USP35: variants seen among roughly 807,000 people sequenced by gnomAD.
The protein encoded by USP35 is ubiquitin specific peptidase 35, also known as ubiquitin carboxyl-terminal hydrolase 35.
In USP35, 69 loss-of-function variants were observed where a neutral mutation model predicts 83.8. The ratio of observed to expected loss-of-function variants is 0.82; its 90% CI spans 0.68 to 1.01. The LOEUF is 1.01. Among genes scored for constraint, USP35 ranks in the 50% least tolerant of loss-of-function variants. The pLI is 0.00. For missense variants in USP35, 1,503 were observed against 1,362.5 expected (o/e 1.10, Z -1.62); for synonymous variants, 714 against 589.5 (o/e 1.21, Z -3.06).
chr11:78,189,539 C>T (rs1862936439), intron 1 of USP35, among the ~76,000 whole-genome samples: 2 of 152,168 alleles, frequency 1.3e-5, no homozygotes, highest in African/African-American at 4.8e-5. Flanking sequence ...TTGGAATGGG[C>T]TTTTCCTATT....
At chr11:78,222,391 A>G in the USP35 span, among the ~76,000 whole-genome samples, 1 of 152,104 alleles carries the variant, frequency 6.6e-6, no homozygotes, top group Non-Finnish European at 1.5e-5. Flanking sequence ...TTCAGATTCC[A>G]AATTATATAT....
intron 1 of USP35, among the ~76,000 whole-genome samples, chr11:78,194,032 G>T (rs1221142547): frequency 1.3e-5 from 2 of 151,654 alleles, no homozygotes; most frequent in Non-Finnish European, 2.9e-5. Context: ...GCGCCCGGCC[G>T]CATCTGAGCT....
the USP35 span, chr11:78,225,214 A>G: frequency 1.3e-6 from 2 of 1,569,778 alleles, no homozygotes; most frequent in South Asian, 1.1e-5. Flanking sequence ...TGACAGAGGA[A>G]GGAGGATTCA....
chr11:78,230,362 A>C, the USP35 span, among the ~76,000 whole-genome samples: 4 of 152,210 alleles, frequency 2.6e-5, no homozygotes, highest in African/African-American at 7.2e-5. Context: ...CTGGTCTTGC[A>C]TTACTCACCT....
the USP35 span, chr11:78,222,263 A>G: frequency 3.1e-6 from 3 of 968,138 alleles, no homozygotes; most frequent in East Asian, 2.4e-5. Context: ...CACCTTATAT[A>G]TAACACATGA....
rs139659750 is a variant in USP35 at position 78,212,323 on chromosome 11, A to G, written c.2890-1323A>G. ...GTGTCTGTTTTTATACCAGTACTAT[A>G]CTACAAGGCTACAGTAAGCAAAACA... On this transcript the variant is annotated intron_variant, in intron 10 of 10. Coordinates refer to ENST00000529308, the MANE Select transcript of USP35 (RefSeq NM_020798.4). Among the ~76,000 whole-genome samples, 332 of 151,598 alleles carry G rather than the reference A, an allele frequency of 2.2e-3. 1 individual carries two copies. The highest frequency in any genetic ancestry group is 7.5e-3 in the African/African-American group (307 of 40,852).
intron 10 of USP35, among the ~76,000 whole-genome samples, chr11:78,213,249 G>T (rs997299602): frequency 6.6e-6 from 1 of 152,162 alleles, no homozygotes; most frequent in Non-Finnish European, 1.5e-5. Flanking sequence ...GGTAAGGATC[G>T]CCATGAGGCT....
rs756405239 is a variant in USP35 at position 78,206,072 on chromosome 11, T to C, written c.1391+37T>C. The C allele has an allele frequency of 1.9e-5, 31 of 1,592,792 alleles. 1 individual carries two copies. The highest frequency in any genetic ancestry group is 2.5e-5 in the Non-Finnish European group (29 of 1,165,290). ...TTTGGAATTCCCTGTCTGCCCTTGC[T>C]TCTCTCCTCTGGGCTCCCTGATGAC... is the stretch of plus-strand genomic sequence containing the variant. On this transcript the variant is annotated intron_variant, in intron 7 of 10. Transcript: ENST00000529308.
downstream of USP35, chr11:78,215,540 AACAAG>A (rs1219601573): frequency 6.6e-6 from 1 of 152,626 alleles, no homozygotes; most frequent in Non-Finnish European, 1.5e-5. Context: ...TTTAAATGGT[AACAAG>A]ACAAGAACTC....
At chr11:78,231,186 G>A in the USP35 span, among the ~76,000 whole-genome samples, 3 of 152,196 alleles carry the variant, frequency 2.0e-5, no homozygotes, top group African/African-American at 4.8e-5. Flanking sequence ...GAGCTCCCCA[G>A]AATCAAAAAG....
At chr11:78,193,224 CACTT>C (rs1160924110) in intron 1 of USP35, among the ~76,000 whole-genome samples, 1 of 152,086 alleles carries the variant, frequency 6.6e-6, no homozygotes, top group Non-Finnish European at 1.5e-5. Context: ...AACAGGAACT[CACTT>C]AGTCACCCAG....
rs951990681 is a variant in USP35 at position 78,196,771 on chromosome 11, C to T, written c.526C>T (p.Arg176Cys). ...GCTGGTGCGTTGCCTCGGCCGCTTC[C>T]GCTGCCCAGCCGAAGGCGAGGAGGG... ...QQLVRCLGRF[R>C]CPAEGEEGAV... Residue 176 changes from arginine (R) to cysteine (C), a missense_variant, in exon 2 of 11, where the codon CGC (arginine) becomes TGC (cysteine). Coordinates refer to ENST00000529308, the MANE Select transcript of USP35 (RefSeq NM_020798.4). The surrounding 1 kb of genome is among the most constrained non-coding windows in gnomAD (Gnocchi z 4.8). 7.2e-6 allele frequency: 11 copies of T among 1,533,274 alleles called. No homozygotes were observed. The highest frequency in any genetic ancestry group is 1.2e-5 in the South Asian group (1 of 83,748). The allele number at this position is 1,533,274 out of a possible 1,614,324, so 95.0% of individuals were successfully genotyped here. A position where few individuals can be genotyped will look rare whatever the true frequency, so the allele number is the denominator to read the frequency against.
chr11:78,220,620 G>A, the USP35 span, among the ~76,000 whole-genome samples: 381 of 152,272 alleles, frequency 2.5e-3, no homozygotes, highest in South Asian at 9.3e-3. Flanking sequence ...TGTAAGGTAG[G>A]TATGATTACT....
At chr11:78,189,736 A>G (rs1205821453) in intron 1 of USP35, among the ~76,000 whole-genome samples, 1 of 152,072 alleles carries the variant, frequency 6.6e-6, no homozygotes, top group Non-Finnish European at 1.5e-5. Context: ...GTTCCTGAGG[A>G]GGAATAGCTG....
intron 10 of USP35, 33 bp from the exon 11 acceptor site, chr11:78,213,613 T>TAA (rs750763233): frequency 3.0e-5 from 29 of 967,460 alleles, no homozygotes; most frequent in Non-Finnish European, 3.5e-5. Flanking sequence ...GTGTGAATTC[T>TAA]AAGTCTAAGT....
Position 78,196,274 on chromosome 11 carries a change from C to A in USP35, c.29C>A (p.Thr10Lys). Residue 10 changes from threonine to lysine, a missense_variant, in exon 2 of 11, where the codon ACG (threonine) becomes AAG (lysine). Coordinates refer to ENST00000529308, the MANE Select transcript of USP35 (RefSeq NM_020798.4). This position sits in a 1 kb window ranked among gnomAD's most constrained non-coding sequence, Gnocchi z 4.8. Reference protein sequence around the residue: MDKILEAVVTSSYPVSVKQG... With the variant: MDKILEAVVKSSYPVSVKQG... ...GACAAGATCTTGGAGGCGGTGGTGA[C>A]GTCGTCATACCCGGTCAGCGTGAAG... 1 of 1,595,318 alleles carries A rather than the reference C, an allele frequency of 6.3e-7. No homozygotes were observed. Among genetic ancestry groups the A allele is most frequent in the Middle Eastern group, 1.7e-4 (1 of 6,030 alleles).
At chr11:78,195,961 C>G (rs192746152) in intron 1 of USP35, among the ~76,000 whole-genome samples, 4 of 152,160 alleles carry the variant, frequency 2.6e-5, no homozygotes, top group Non-Finnish European at 5.9e-5. Context: ...CTCCTGGGCT[C>G]AAGGGATCCT....
chr11:78,235,385 C>T, the USP35 span, among the ~76,000 whole-genome samples: 1 of 152,072 alleles, frequency 6.6e-6, no homozygotes, highest in African/African-American at 2.4e-5. Context: ...ATCTCCTGAC[C>T]TTGAGATCCG....
intron 10 of USP35, among the ~76,000 whole-genome samples, chr11:78,211,778 C>G (rs557878132): frequency 6.6e-6 from 1 of 152,286 alleles, no homozygotes; most frequent in East Asian, 1.9e-4. Context: ...ATGTCCTTTG[C>G]CCACTTTTTA....
Sources: gnomAD v4.1 joint callset for allele counts (sites outside exome capture counted in the v4.1 genomes callset) on GRCh38, gnomAD v4.1.1 for gene constraint, Gnocchi (gnomAD v3.1) non-coding constraint, MANE v1.5 for transcripts, NCBI Gene and HGNC (gene_info 2026-07-23, HGNC 2026-07-21) for gene names.